The following SYCP1 variants were observed in gnomAD, a reference collection of about 807,000 sequenced individuals.
The protein encoded by SYCP1 is synaptonemal complex protein 1, also known as cancer/testis antigen 8.
Under a neutral mutation model 153.1 loss-of-function variants are expected in SYCP1, and 64 were observed. That is an observed-to-expected ratio of 0.42 (90% CI 0.34 to 0.51). The LOEUF (loss-of-function observed/expected upper bound fraction) is 0.51. SYCP1 is among the 20% of genes least tolerant of loss of function. The pLI, the probability that SYCP1 is intolerant of heterozygous loss-of-function variation, is 0.06. For missense variants in SYCP1, 997 were observed against 1,049.0 expected (o/e 0.95, Z 0.68); for synonymous variants, 384 against 341.8 (o/e 1.12, Z -1.36).
intron 8 of SYCP1, 72 bp downstream of exon 8, chr1:114,860,881 T>C (rs1664325268): frequency 4.1e-6 from 5 of 1,212,218 alleles, no homozygotes; most frequent in Non-Finnish European, 4.5e-6. Flanking sequence ...GGAAAGAAAT[T>C]GTCCTTTTAA....
chr1:114,942,047 T>C (rs1301364826), intron 23 of SYCP1, among the ~76,000 whole-genome samples: 4 of 152,082 alleles, frequency 2.6e-5, no homozygotes, highest in Admixed American at 2.0e-4. Context: ...TTCACAGATA[T>C]AGAAAGAGAA....
intron 27 of SYCP1, among the ~76,000 whole-genome samples, chr1:114,952,601 G>C (rs1671179485): frequency 6.6e-6 from 1 of 152,094 alleles, no homozygotes; most frequent in Admixed American, 6.5e-5. Context: ...CAAGCAAAGG[G>C]GGAAAAGCCC....
intron 15 of SYCP1, among the ~76,000 whole-genome samples, chr1:114,889,544 G>T (rs1242476496): frequency 2.0e-5 from 3 of 152,086 alleles, no homozygotes; most frequent in Admixed American, 6.5e-5. Flanking sequence ...ACTTTTTGAT[G>T]GGGTTTTTGT....
chr1:114,904,697 T>C (rs1667704501), intron 16 of SYCP1, among the ~76,000 whole-genome samples: 1 of 152,240 alleles, frequency 6.6e-6, no homozygotes, highest in African/African-American at 2.4e-5. Flanking sequence ...AAATAGGCAT[T>C]TGATTTCTTT....
At chr1:114,880,145 A>G (rs1235546927) in intron 12 of SYCP1, among the ~76,000 whole-genome samples, 1 of 152,120 alleles carries the variant, frequency 6.6e-6, no homozygotes, top group Non-Finnish European at 1.5e-5. Flanking sequence ...CACCTTAATC[A>G]TATTTAAGTG....
chr1:114,959,358 G>A (rs1671639630), intron 27 of SYCP1, among the ~76,000 whole-genome samples: 1 of 151,974 alleles, frequency 6.6e-6, no homozygotes, highest in Admixed American at 6.6e-5. Context: ...TGCTGGATTT[G>A]GTTTGCTAGC....
At chr1:114,970,993 A>G (rs373689248) in intron 27 of SYCP1, among the ~76,000 whole-genome samples, 3 of 152,162 alleles carry the variant, frequency 2.0e-5, no homozygotes, top group East Asian at 3.9e-4. Context: ...TCCTTGGAGT[A>G]GGGTTGGTCT....
intron 18 of SYCP1, 44 bp from the exon 19 acceptor site, chr1:114,912,989 A>G: frequency 7.4e-7 from 1 of 1,345,766 alleles, no homozygotes. Context: ...TTATGTCATT[A>G]CATTTGTAAA....
intron 27 of SYCP1, 90 bp from the exon 28 acceptor site, chr1:114,977,467 G>T: frequency 8.7e-6 from 7 of 807,168 alleles, no homozygotes; most frequent in South Asian, 4.1e-5. Flanking sequence ...ATCTTTCTTT[G>T]TTAATACTTA....
chr1:114,872,368 C>T (rs1665208273), intron 8 of SYCP1, among the ~76,000 whole-genome samples: 1 of 152,118 alleles, frequency 6.6e-6, no homozygotes, highest in Admixed American at 6.5e-5. Flanking sequence ...ATATTTTACT[C>T]CATTCTATTC....
intron 27 of SYCP1, among the ~76,000 whole-genome samples, chr1:114,953,713 A>G (rs1671254256): frequency 6.6e-6 from 1 of 152,204 alleles, no homozygotes; most frequent in South Asian, 2.1e-4. Flanking sequence ...AAGCCTTAAT[A>G]TCAAGTAAAA....
rs191483608 is a variant in SYCP1 at position 114,895,595 on chromosome 1, G to T, written c.1320+86G>T. On this transcript the variant is annotated intron_variant, in intron 16 of 31. Transcript: ENST00000369522. The stretch of plus-strand genomic sequence containing the variant: ...TTAACTTATAGACTCTCACACTATA[G>T]ATGTTTTATACTAATTTTTTCAGCT... 3,110 of 651,144 alleles carry T rather than the reference G, an allele frequency of 4.8e-3. 22 individuals carry two copies. Among genetic ancestry groups the T allele is most frequent in the South Asian group, 5.2e-3 (120 of 23,114 alleles). 40.3% of individuals were successfully genotyped at this position (651,144 alleles called of 1,614,324 possible). A position where few individuals can be genotyped will look rare whatever the true frequency, so the allele number is the denominator to read the frequency against.
intron 2 of SYCP1, 138 bp from the exon 3 acceptor site, chr1:114,856,425 TGATATTTTAA>T (rs1337999473): frequency 6.6e-6 from 3 of 455,404 alleles, no homozygotes; most frequent in East Asian, 7.1e-5. Flanking sequence ...AAAAGGCATT[TGATATTTTAA>T]ACACTGTATG....
chr1:114,983,551 G>A (rs75459428), intron 29 of SYCP1, among the ~76,000 whole-genome samples: 2,377 of 151,910 alleles, frequency 0.016, 66 homozygotes, highest in African/African-American at 0.054. Flanking sequence ...ATAAAGCTTT[G>A]AAAGAGCTTC....
Position 114,855,529 on chromosome 1 carries a change from C to A in SYCP1, c.65C>A (p.Ala22Glu). ...PPRSSSSQVS[A>E]VKPQTLGGDS... Reference sequence around the variant, plus strand: ...AGATCAAGCAGCAGTCAGGTGTCTGCGGTGAAACCTCAGACCCTGGGAGGC... The same window carrying A: ...AGATCAAGCAGCAGTCAGGTGTCTGAGGTGAAACCTCAGACCCTGGGAGGC... Residue 22 changes from alanine to glutamate, a missense_variant, in exon 2 of 32, where the codon GCG becomes GAG. Around this residue, in one of 2 missense-constraint regions of SYCP1, gnomAD observed 285 missense variants for 366.1 expected, o/e 0.78. Coordinates refer to ENST00000369522, the MANE Select transcript of SYCP1 (RefSeq NM_003176.4). 1.9e-6 allele frequency: 3 copies of A among 1,610,674 alleles called. No individual in the cohort carries two copies. Among genetic ancestry groups the A allele is most frequent in the Non-Finnish European group, 2.5e-6 (3 of 1,178,134 alleles).
intron 15 of SYCP1, among the ~76,000 whole-genome samples, chr1:114,889,457 T>C (rs1272416830): frequency 6.6e-6 from 1 of 152,224 alleles, no homozygotes; most frequent in African/African-American, 2.4e-5. Context: ...TGACCAGTGA[T>C]GATGAGCATT....
chr1:114,854,137 C>T (rs1288052735), upstream of SYCP1, among the ~76,000 whole-genome samples: 1 of 151,828 alleles, frequency 6.6e-6, no homozygotes, highest in East Asian at 1.9e-4. Flanking sequence ...CCTTTCTCTC[C>T]TCTGTCTCCT....
intron 27 of SYCP1, among the ~76,000 whole-genome samples, chr1:114,977,061 T>A (rs1672838789): frequency 6.6e-6 from 1 of 151,740 alleles, no homozygotes; most frequent in Non-Finnish European, 1.5e-5. Flanking sequence ...TATTAGCATA[T>A]CACTCTTTCC....
At chr1:114,916,649 GTTT>G (rs57260757) in intron 20 of SYCP1, among the ~76,000 whole-genome samples, 1 of 142,970 alleles carries the variant, frequency 7.0e-6, no homozygotes. Context: ...ATCTTTTGAG[GTTT>G]TTTTTTTTTA....
Sources: allele counts gnomAD v4.1 joint callset (sites outside exome capture counted in the v4.1 genomes callset), GRCh38; gene constraint gnomAD v4.1.1; regional missense constraint gnomAD v4.1.1; transcripts MANE v1.5; gene names NCBI Gene and HGNC (gene_info 2026-07-23, HGNC 2026-07-21).